Variants in KDM4E observed in about 807,000 individuals in gnomAD.
The protein encoded by KDM4E is lysine demethylase 4E, also known as lysine-specific demethylase 4E.
For missense variants in KDM4E, 576 were observed against 642.6 expected, an observed-to-expected ratio of 0.90 and a Z score of 1.12; for synonymous variants, 229 against 232.9, an observed-to-expected ratio of 0.98 and a Z score of 0.15.
Position 95,026,266 on chromosome 11 carries a change from G to C in KDM4E, c.709G>C (p.Ala237Pro), listed in dbSNP as rs782106984. 5.6e-6 allele frequency: 9 copies of C among 1,614,090 alleles called. No homozygotes were observed. The highest frequency in any genetic ancestry group is 7.6e-6 in the Non-Finnish European group (9 of 1,180,012). Residue 237 changes from alanine (A) to proline (P), a missense_variant, in exon 1 of 1, where the codon GCC becomes CCC. Transcript: ENST00000450979. ...LFPDISRGCE[A>P]FLRHKVALIS... ...CCCAGACATTTCTCGGGGCTGTGAGGCCTTCCTGCGGCACAAAGTGGCCCT... is the reference window on the plus strand; with the variant it reads ...CCCAGACATTTCTCGGGGCTGTGAGCCCTTCCTGCGGCACAAAGTGGCCCT...
rs782688896 is a variant in KDM4E at position 95,025,884 on chromosome 11, T to C, written c.327T>C (p.Thr109=). The C allele has an allele frequency of 5.5e-5, 87 of 1,590,100 alleles. No homozygotes were observed. The highest frequency in any genetic ancestry group is 6.9e-5 in the Non-Finnish European group (81 of 1,173,880). Residue 109 remains threonine, a synonymous_variant, in exon 1 of 1, where the codon ACT becomes ACC. Transcript: ENST00000450979. The part of the protein sequence containing the change: ...RRLANSKKYQ[T]PPHQNFADLE... The stretch of plus-strand genomic sequence containing the variant: ...TGGCAAACAGTAAAAAATATCAGAC[T>C]CCGCCACACCAGAATTTTGCAGATT...
chr11:95,026,557 A>T lies in KDM4E; in HGVS notation c.1000A>T (p.Lys334Ter). 6.5e-7 allele frequency: 1 copy of T among 1,541,668 alleles called. No homozygotes were observed. Among genetic ancestry groups the T allele is most frequent in the Non-Finnish European group, 8.7e-7 (1 of 1,149,070 alleles). ...IVQPESYELW[K>*]HRQDLAIVEH... ...GCAACCCGAGAGTTATGAGCTCTGG[A>T]AACACAGGCAAGACTTGGCCATTGT... Residue 334 changes from lysine to a stop codon, truncating the protein, a stop_gained, in exon 1 of 1, where the codon AAA becomes TAA. Coordinates refer to ENST00000450979, the MANE Select transcript of KDM4E (RefSeq NM_001161630.1). LOFTEE classifies it low-confidence loss of function (END_TRUNC).
Sources: allele counts gnomAD v4.1 joint callset, GRCh38; gene constraint gnomAD v4.1.1; transcripts MANE v1.5; gene names NCBI Gene and HGNC (gene_info 2026-07-23, HGNC 2026-07-21).